The following KIF26A variants were observed in gnomAD, a reference collection of about 807,000 sequenced individuals.
KIF26A encodes kinesin-like protein KIF26A.
Under a neutral mutation model 126.0 loss-of-function variants are expected in KIF26A, and 74 were observed. That is an observed-to-expected ratio of 0.59 (90% CI 0.49 to 0.71). The LOEUF is 0.71. KIF26A is among the 30% of genes least tolerant of loss of function. The pLI is 0.00. For synonymous variants in KIF26A, 1,445 were observed against 1,232.7 expected, an observed-to-expected ratio of 1.17 and a Z score of -3.61; for missense variants, 2,984 against 2,763.3, an observed-to-expected ratio of 1.08 and a Z score of -1.79.
intron 3 of KIF26A, among the ~76,000 whole-genome samples, chr14:104,155,098 ACC>A (rs1413741470): frequency 2.0e-5 from 3 of 152,174 alleles, no homozygotes; most frequent in Middle Eastern, 3.4e-3. Flanking sequence ...GCACATCCAC[ACC>A]CGTGCAGGGG....
intron 4 of KIF26A, among the ~76,000 whole-genome samples, chr14:104,165,113 G>A (rs530036600): frequency 1.4e-4 from 21 of 151,360 alleles, no homozygotes; most frequent in African/African-American, 4.9e-4. Flanking sequence ...CTCTGTGTGT[G>A]TGTCTCTGCA....
Position 104,179,384 on chromosome 14 carries a change from A to G in KIF26A, c.5465A>G (p.Gln1822Arg). The change falls in exon 14 of 15, where the codon CAG (glutamine) becomes CGG (arginine). Residue 1822 changes from glutamine to arginine, a missense_variant and splice_region_variant. Transcript: ENST00000423312. The stretch of plus-strand genomic sequence containing the variant: ...CTGGAGCCTGGCCGCTGGCTGGAGC[A>G]GTGTGAGTCCCGCCCGCCCACGGAC... ...LMLEPGRWLE[Q>R]FEVDPELEPE... 1.3e-6 allele frequency: 2 copies of G among 1,516,716 alleles called. No homozygotes were observed. Among genetic ancestry groups the G allele is most frequent in the Non-Finnish European group, 1.8e-6 (2 of 1,136,790 alleles). The allele number at this position is 1,516,716 out of a possible 1,614,324, so 94.0% of individuals were successfully genotyped here.
intron 4 of KIF26A, among the ~76,000 whole-genome samples, chr14:104,161,164 T>C (rs2141103338): frequency 1.3e-5 from 2 of 152,328 alleles, no homozygotes; most frequent in South Asian, 4.1e-4. Flanking sequence ...TTGGAGGGGC[T>C]GATGCCTCAG....
rs544874364 is a variant in KIF26A, at chr14:104,173,517, G to A, written c.1867+4G>A. On this transcript the variant is annotated splice_donor_region_variant and intron_variant, in intron 9 of 14. Transcript: ENST00000423312. ...GAGAAGTGCGGCCGGGGAGGAAGTA[G>A]GTGCCACACCCGCACTCCCGGGCCC... 34 of 1,552,216 alleles carry A rather than the reference G, an allele frequency of 2.2e-5. No individual in the cohort carries two copies. The Middle Eastern group carries it at 8.6e-4, about 39-fold the overall frequency.
rs2037795393 is a variant in KIF26A at position 104,157,822 on chromosome 14, C to T, written c.803C>T (p.Pro268Leu). The change falls in exon 4 of 15, where the codon CCT becomes CTT. Residue 268 changes from proline to leucine, a missense_variant. Pro to Leu is a moderately conservative substitution (Grantham distance 98). Coordinates refer to ENST00000423312, the MANE Select transcript of KIF26A (RefSeq NM_015656.2). The stretch of plus-strand genomic sequence containing the variant: ...CGAGAATGCCCCCCCGTGGCCGGCC[C>T]TGATGGCTTGTCGAAGGCCTGGGGC... Reference protein sequence around the residue: ...TVRECPPVAGPDGLSKAWGRG... With the variant: ...TVRECPPVAGLDGLSKAWGRG... 1.2e-6 allele frequency: 2 copies of T among 1,609,764 alleles called. No homozygotes were observed. The highest frequency in any genetic ancestry group is 1.7e-6 in the Non-Finnish European group (2 of 1,178,520).
Position 104,152,225 on chromosome 14 carries a change from A to G in KIF26A, c.499A>G (p.Thr167Ala). 6.2e-7 allele frequency: 1 copy of G among 1,600,552 alleles called. No homozygotes were observed. ...CCCCAGCCTCGCACCCCCCAGCACCACGACCAGCTCGAGGGACACGCCAGG... is the reference window on the plus strand; with the variant it reads ...CCCCAGCCTCGCACCCCCCAGCACCGCGACCAGCTCGAGGGACACGCCAGG... The part of the protein sequence containing the change: ...GGPSLAPPST[T>A]TSSRDTPGPA... Residue 167 changes from threonine (T) to alanine (A), a missense_variant, in exon 3 of 15, where the codon ACG becomes GCG. By Grantham distance (58) the Thr-to-Ala change is moderately conservative. Transcript: ENST00000423312. The surrounding 1 kb of genome is among the most constrained non-coding windows in gnomAD (Gnocchi z 5.9).
chr14:104,149,683 G>A (rs1290052886), intron 2 of KIF26A, among the ~76,000 whole-genome samples: 1 of 152,184 alleles, frequency 6.6e-6, no homozygotes, highest in East Asian at 1.9e-4. Flanking sequence ...AGCCCGTGGT[G>A]GGTGGTGCAT....
Position 104,179,010 on chromosome 14 carries a change from C to T in KIF26A, c.5317-226C>T, listed in dbSNP as rs116479747. ...GGGTCCTGAGGCCACTGCTGCTGTC[C>T]GCTGGAATTCTCCCCTGTCGTGGGG... On this transcript the variant is annotated intron_variant, in intron 13 of 14. Transcript: ENST00000423312. Among the ~76,000 whole-genome samples the T allele has an allele frequency of 7.7e-3, 1,176 of 152,280 alleles. 10 individuals are homozygous for T. Among genetic ancestry groups the T allele is most frequent in the African/African-American group, 0.026 (1,066 of 41,558 alleles).
chr14:104,179,970 C>T lies in KIF26A; in HGVS notation c.*180C>T, dbSNP rs920295081. Reference sequence around the variant, plus strand: ...AGGGCCGGCCACGCGGTGGACAGAGCGAGGGTGCCAGGGTGACCAGAAGAC... The same window carrying T: ...AGGGCCGGCCACGCGGTGGACAGAGTGAGGGTGCCAGGGTGACCAGAAGAC... On this transcript the variant is annotated 3_prime_UTR_variant, in exon 15 of 15. Transcript: ENST00000423312. 2.0e-5 allele frequency: 13 copies of T among 649,174 alleles called. No homozygotes were observed. The highest frequency in any genetic ancestry group is 7.0e-5 in the South Asian group (3 of 42,902). 40.2% of individuals were successfully genotyped at this position (649,174 alleles called of 1,614,324 possible). A position where few individuals can be genotyped will look rare whatever the true frequency, so the allele number is the denominator to read the frequency against.
In KIF26A at chr14:104,179,889, G is replaced by T; in HGVS notation, c.*99G>T. ...GTGGGGGCTGCGGGGGGAGGATGCG[G>T]AGGGGTTTCTGTGCAGGACGGGAGT... On this transcript the variant is annotated 3_prime_UTR_variant, in exon 15 of 15. Transcript: ENST00000423312. 1 of 1,258,340 alleles carries T rather than the reference G, an allele frequency of 7.9e-7. No individual in the cohort carries two copies. The highest frequency in any genetic ancestry group is 1.5e-5 in the South Asian group (1 of 65,520). 77.9% of individuals were successfully genotyped at this position (1,258,340 alleles called of 1,614,324 possible). A position where few individuals can be genotyped will look rare whatever the true frequency, so the allele number is the denominator to read the frequency against.
intron 2 of KIF26A, among the ~76,000 whole-genome samples, chr14:104,146,394 C>T (rs1443426910): frequency 6.6e-6 from 1 of 152,004 alleles, no homozygotes; most frequent in African/African-American, 2.4e-5. Flanking sequence ...TCCCTGCCCT[C>T]TATAGATGCC....
rs772047828 is a variant in KIF26A, at chr14:104,176,245, C to T, written c.3457C>T (p.Leu1153=). 2 of 1,599,454 alleles carry T rather than the reference C, an allele frequency of 1.3e-6. No homozygotes were observed. The highest frequency in any genetic ancestry group is 2.2e-5 in the South Asian group (2 of 89,016). ...GGGCCCCCCTGCCCTGGATGGTTCC[C>T]TGGGGGATGGAAGCTCTGGGTTCCT... ...PGGPPALDGS[L]GDGSSGFLGP... Residue 1153 remains leucine, a synonymous_variant, in exon 12 of 15, where the codon CTG becomes TTG. Coordinates refer to ENST00000423312, the MANE Select transcript of KIF26A (RefSeq NM_015656.2).
intron 2 of KIF26A, among the ~76,000 whole-genome samples, chr14:104,150,268 C>A (rs908625931): frequency 1.3e-5 from 2 of 149,318 alleles, no homozygotes; most frequent in Non-Finnish European, 3.0e-5. Flanking sequence ...CTGACCTCAG[C>A]GAATCTCCGA....
At chr14:104,165,855 G>A (rs1418481777) in intron 4 of KIF26A, among the ~76,000 whole-genome samples, 6 of 152,178 alleles carry the variant, frequency 3.9e-5, no homozygotes, top group Admixed American at 3.9e-4. Context: ...GTGTCTGTGT[G>A]TGTCTCTGTA....
chr14:104,172,714 C>T (rs1477831303), intron 7 of KIF26A, 46 bp downstream of exon 7: 5 of 1,410,358 alleles, frequency 3.5e-6, no homozygotes, highest in Non-Finnish European at 5.0e-6. Flanking sequence ...TGGCCACCCC[C>T]TCCCATCCTC....
intron 3 of KIF26A, among the ~76,000 whole-genome samples, chr14:104,155,739 A>G (rs1190838455): frequency 6.6e-6 from 1 of 152,194 alleles, no homozygotes; most frequent in Non-Finnish European, 1.5e-5. Flanking sequence ...GACTCCTGAG[A>G]CAGGTCAGTG....
rs1399670702 is a variant in KIF26A, at chr14:104,175,663, C to T, written c.2875C>T (p.Leu959=). ...CCCGGCTCCCCCACCTCCTCAGTTG[C>T]TGGAAGCCTGCAGAGCCCCAGAAGA... is the stretch of plus-strand genomic sequence containing the variant. ...PSPAPPPPQL[L]EACRAPEEPG... The change falls in exon 12 of 15, where the codon CTG becomes TTG. Residue 959 remains leucine, a synonymous_variant. Coordinates refer to ENST00000423312, the MANE Select transcript of KIF26A (RefSeq NM_015656.2). The T allele has an allele frequency of 6.2e-7, 1 of 1,608,542 alleles. No individual in the cohort carries two copies. The highest frequency in any genetic ancestry group is 1.3e-5 in the African/African-American group (1 of 75,028).
At chr14:104,165,715 G>T (rs2037889130) in intron 4 of KIF26A, among the ~76,000 whole-genome samples, 1 of 151,564 alleles carries the variant, frequency 6.6e-6, no homozygotes, top group South Asian at 2.1e-4. Flanking sequence ...CTGTGCATAT[G>T]TGTGTCTGTG....
chr14:104,140,566 C>CCCTGGGGCCATGGT (rs1314108632), intron 2 of KIF26A, among the ~76,000 whole-genome samples: 1 of 152,182 alleles, frequency 6.6e-6, no homozygotes, highest in Non-Finnish European at 1.5e-5. Context: ...TGCTGCCTGG[C>CCCTGGGGCCATGGT]CCTGGGGCCA....
Sources: allele counts gnomAD v4.1 joint callset (sites outside exome capture counted in the v4.1 genomes callset), GRCh38; gene constraint gnomAD v4.1.1; non-coding constraint Gnocchi (gnomAD v3.1); transcripts MANE v1.5; gene names NCBI Gene and HGNC (gene_info 2026-07-23, HGNC 2026-07-21).